DESI1: variants seen among roughly 807,000 people sequenced by gnomAD.
DESI1 encodes PPPDE peptidase domain containing 2.
A neutral mutation model predicts 22.4 loss-of-function variants in DESI1; 17 were observed. The observed-to-expected ratio is 0.76, with a 90% confidence interval of 0.52 to 1.14. The LOEUF (loss-of-function observed/expected upper bound fraction) is 1.14. Ranked by LOEUF, DESI1 falls within the 50% of genes most tolerant of loss-of-function variation. The pLI, the probability that DESI1 is intolerant of heterozygous loss-of-function variation, is 0.00. For synonymous variants in DESI1, 92 were observed against 84.2 expected (o/e 1.09, Z -0.51); for missense variants, 177 against 208.9 (o/e 0.85, Z 0.94).
intron 1 of DESI1, among the ~76,000 whole-genome samples, chr22:41,608,898 C>T (rs1476274259): frequency 6.6e-6 from 1 of 152,322 alleles, no homozygotes; most frequent in South Asian, 2.1e-4. Flanking sequence ...CACACGGCGA[C>T]ATGGCAGATT....
Position 41,598,601 on chromosome 22 carries a change from GAAGC to G in DESI1, c.*2492_*2495del, listed in dbSNP as rs974823907. Reference sequence around the variant, plus strand: ...CTGGGCCTAAGGGTGCCTGCTGGAAGAAGCAAACCAGCTGAAACTGGATCTGGAA... The same window carrying G: ...CTGGGCCTAAGGGTGCCTGCTGGAAGAAACCAGCTGAAACTGGATCTGGAA... On this transcript the variant is annotated 3_prime_UTR_variant, in exon 6 of 6. Transcript: ENST00000263256. The G allele has an allele frequency of 6.6e-6, 1 of 152,584 alleles. No homozygotes were observed. The highest frequency in any genetic ancestry group is 2.4e-5 in the African/African-American group (1 of 41,478). The allele number at this position is 152,584 out of a possible 1,614,324, so 9.5% of individuals were successfully genotyped here.
chr22:41,601,018 T>C lies in DESI1; in HGVS notation c.*79A>G, dbSNP rs778974163. 19 of 1,333,174 alleles carry C rather than the reference T, an allele frequency of 1.4e-5. No homozygotes were observed. Among genetic ancestry groups the C allele is most frequent in the Non-Finnish European group, 2.0e-5 (19 of 954,622 alleles). 82.6% of individuals were successfully genotyped at this position (1,333,174 alleles called of 1,614,324 possible). On this transcript the variant is annotated 3_prime_UTR_variant, in exon 6 of 6. Transcript: ENST00000263256. ...GGTTGTTAGCTCTGATGTAAAATTA[T>C]AAAATAGAAATCTGGTAGGGTTTGT...
Sources: gnomAD v4.1 joint callset for allele counts (sites outside exome capture counted in the v4.1 genomes callset) on GRCh38, gnomAD v4.1.1 for gene constraint, MANE v1.5 for transcripts, NCBI Gene and HGNC (gene_info 2026-07-23, HGNC 2026-07-21) for gene names.